The following IL1RAP variants were observed in gnomAD, a reference collection of about 807,000 sequenced individuals.
The protein encoded by IL1RAP is interleukin-1 receptor accessory protein.
IL1RAP carries 35 observed loss-of-function variants against 60.7 expected under a neutral mutation model. That is an observed-to-expected ratio of 0.58 (90% CI 0.44 to 0.76). The LOEUF is 0.76. Ranked by LOEUF, IL1RAP falls within the 30% of genes least tolerant of loss-of-function variation. IL1RAP has a pLI of 0.00. For synonymous variants in IL1RAP, 268 were observed against 250.9 expected, an observed-to-expected ratio of 1.07 and a Z score of -0.64; for missense variants, 572 against 693.9, an observed-to-expected ratio of 0.82 and a Z score of 1.97.
At chr3:190,629,765 C>A (rs1263196793) in intron 9 of IL1RAP, 7 of 1,147,740 alleles carry the variant, frequency 6.1e-6, no homozygotes, top group Non-Finnish European at 7.5e-6. Context: ...AATTTTGTGT[C>A]TGTACAATTA....
intron 9 of IL1RAP, among the ~76,000 whole-genome samples, chr3:190,641,211 G>A (rs900246183): frequency 7.9e-5 from 12 of 152,122 alleles, no homozygotes; most frequent in African/African-American, 2.7e-4. Flanking sequence ...GTGATCCACC[G>A]GTCTTGGCCT....
intron 9 of IL1RAP, among the ~76,000 whole-genome samples, chr3:190,633,181 A>G (rs1348632337): frequency 6.6e-6 from 1 of 152,190 alleles, no homozygotes; most frequent in Admixed American, 6.5e-5. Context: ...TCTGGAGAAA[A>G]TTGAAATCTT....
At chr3:190,546,584 T>C (rs1404723635) in intron 1 of IL1RAP, among the ~76,000 whole-genome samples, 2 of 152,218 alleles carry the variant, frequency 1.3e-5, no homozygotes. Context: ...ATATGTTAAC[T>C]CATATAATCC....
At chr3:190,526,149 A>G (rs998054062) in intron 1 of IL1RAP, among the ~76,000 whole-genome samples, 2 of 152,200 alleles carry the variant, frequency 1.3e-5, no homozygotes, top group African/African-American at 4.8e-5. Context: ...TATGAGTTTA[A>G]AATAGCTTGA....
At chr3:190,592,066 C>G (rs1728990191) in intron 3 of IL1RAP, among the ~76,000 whole-genome samples, 1 of 152,228 alleles carries the variant, frequency 6.6e-6, no homozygotes, top group Non-Finnish European at 1.5e-5. Flanking sequence ...GTCTCCCAGG[C>G]TGGAGTGCAG....
chr3:190,568,103 A>G (rs1204635008), intron 3 of IL1RAP, among the ~76,000 whole-genome samples: 2 of 152,214 alleles, frequency 1.3e-5, no homozygotes, highest in African/African-American at 2.4e-5. Flanking sequence ...AAATCACATG[A>G]AAAAGAGAGT....
Position 190,649,632 on chromosome 3 carries a change from T to C in IL1RAP, c.*927T>C. On this transcript the variant is annotated 3_prime_UTR_variant, in exon 12 of 12. Transcript: ENST00000447382. ...GTCTTTTAAGTCTTAACCTTGCTAA[T>C]GTGAATACTGGGAAAGTGATTTTTT... 1 of 985,906 alleles carries C rather than the reference T, an allele frequency of 1.0e-6. No individual in the cohort carries two copies. The highest frequency in any genetic ancestry group is 1.2e-6 in the Non-Finnish European group (1 of 829,942). 61.1% of individuals were successfully genotyped at this position (985,906 alleles called of 1,614,324 possible).
At chr3:190,608,507 G>A (rs947100846) in intron 4 of IL1RAP, among the ~76,000 whole-genome samples, 3 of 152,150 alleles carry the variant, frequency 2.0e-5, no homozygotes, top group African/African-American at 7.2e-5. Context: ...GAATGTGAAA[G>A]CCCAGGACAT....
At position 190,564,443 on chromosome 3, in the gene IL1RAP, A is replaced by G. The variant is rs184038410; in HGVS notation, c.64+90A>G. 8.3e-6 allele frequency: 7 copies of G among 843,584 alleles called. No individual in the cohort carries two copies. In the East Asian group the frequency reaches 1.7e-4, roughly 21 times the overall value. The allele number at this position is 843,584 out of a possible 1,614,324, so 52.3% of individuals were successfully genotyped here. A position where few individuals can be genotyped will look rare whatever the true frequency, so the allele number is the denominator to read the frequency against. On this transcript the variant is annotated intron_variant, in intron 3 of 11. Coordinates refer to ENST00000447382, the MANE Select transcript of IL1RAP (RefSeq NM_002182.4). The stretch of plus-strand genomic sequence containing the variant: ...TTCCTGAAAATGAATTTAAATAAAC[A>G]TAATGTTATTCATGTCCATTGTCTT...
At chr3:190,652,005 T>C (rs149557929), downstream of IL1RAP, among the ~76,000 whole-genome samples, 930 of 152,280 alleles carry the variant, frequency 6.1e-3, 10 homozygotes, top group African/African-American at 0.02. Flanking sequence ...GCTTTGGAAA[T>C]AGATAAAACT....
At chr3:190,631,525 TCTTCA>T (rs1732788502) in intron 9 of IL1RAP, among the ~76,000 whole-genome samples, 1 of 152,212 alleles carries the variant, frequency 6.6e-6, no homozygotes, top group African/African-American at 2.4e-5. Flanking sequence ...GTTGTGGTTT[TCTTCA>T]CTTGGCTTCT....
At chr3:190,606,365 T>G (rs1389413187) in intron 4 of IL1RAP, among the ~76,000 whole-genome samples, 1 of 152,194 alleles carries the variant, frequency 6.6e-6, no homozygotes, top group Non-Finnish European at 1.5e-5. Context: ...CTGAGAGCTG[T>G]GGTATCTACG....
intron 3 of IL1RAP, among the ~76,000 whole-genome samples, chr3:190,586,959 A>G (rs1264914570): frequency 6.6e-6 from 1 of 152,188 alleles, no homozygotes; most frequent in African/African-American, 2.4e-5. Context: ...AAAGAGTCTC[A>G]CTTGCTTACT....
downstream of IL1RAP, among the ~76,000 whole-genome samples, chr3:190,651,805 ATG>A (rs1013708275): frequency 1.3e-5 from 2 of 149,628 alleles, no homozygotes; most frequent in African/African-American, 2.5e-5. Context: ...GTGTATGTGT[ATG>A]TGTGTATGCA....
At chr3:190,645,581 C>T (rs1577821292) in intron 10 of IL1RAP, 118 bp from the exon 11 acceptor site, 3 of 764,672 alleles carry the variant, frequency 3.9e-6, no homozygotes, top group East Asian at 2.6e-5. Flanking sequence ...AGTAGAAAAT[C>T]GCACTGGAAT....
chr3:190,617,837 C>T (rs535799560), intron 5 of IL1RAP, among the ~76,000 whole-genome samples: 3 of 152,290 alleles, frequency 2.0e-5, no homozygotes, highest in African/African-American at 7.2e-5. Context: ...TGTTCATAGA[C>T]ATTTGTAGTG....
intron 1 of IL1RAP, among the ~76,000 whole-genome samples, chr3:190,529,410 G>A (rs775896791): frequency 5.9e-5 from 9 of 151,752 alleles, no homozygotes; most frequent in Non-Finnish European, 1.2e-4. Context: ...AAAAATGGCC[G>A]GGCGTGGTGG....
chr3:190,514,307 C>A (rs1438693349), intron 1 of IL1RAP, 88 bp downstream of exon 1: 1 of 152,298 alleles, frequency 6.6e-6, no homozygotes, highest in Non-Finnish European at 1.5e-5. Flanking sequence ...TATCGTTAAA[C>A]CCTCCTACTT....
At chr3:190,639,558 G>C (rs1025226515) in intron 9 of IL1RAP, among the ~76,000 whole-genome samples, 1 of 151,926 alleles carries the variant, frequency 6.6e-6, no homozygotes, top group Non-Finnish European at 1.5e-5. Flanking sequence ...TCATTTTTAG[G>C]TGTTTATCTG....
Sources: gnomAD v4.1 joint callset for allele counts (sites outside exome capture counted in the v4.1 genomes callset) on GRCh38, gnomAD v4.1.1 for gene constraint, MANE v1.5 for transcripts, NCBI Gene and HGNC (gene_info 2026-07-23, HGNC 2026-07-21) for gene names.